Variants in ANKRD11 observed in about 807,000 individuals in gnomAD.
ANKRD11 encodes ankyrin repeat domain-containing protein 11.
In ANKRD11, 17 loss-of-function variants were observed where a neutral mutation model predicts 195.7. The observed-to-expected ratio is 0.09, with a 90% confidence interval of 0.06 to 0.13. ANKRD11 has a LOEUF of 0.13. Among genes scored for constraint, ANKRD11 ranks in the 10% least tolerant of loss-of-function variants. The probability of loss-of-function intolerance (pLI) is 1.00; values close to 1 mark genes in which losing one functional copy is unlikely to be tolerated. For missense variants in ANKRD11, 3,735 were observed against 3,566.1 expected (o/e 1.05, Z -1.21); for synonymous variants, 1,953 against 1,528.1 (o/e 1.28, Z -6.49).
chr16:89,408,619 G>A (rs780330386), intron 2 of ANKRD11, among the ~76,000 whole-genome samples: 26 of 152,072 alleles, frequency 1.7e-4, no homozygotes, highest in Admixed American at 3.9e-4. Flanking sequence ...CATGAAAGAC[G>A]TCCCAGCCGT....
At chr16:89,432,988 CT>C (rs1410146081) in intron 1 of ANKRD11, among the ~76,000 whole-genome samples, 11 of 135,194 alleles carry the variant, frequency 8.1e-5, no homozygotes, top group East Asian at 4.1e-4. Context: ...CTCTCTCTCT[CT>C]CCTCTCTCTC....
chr16:89,283,514 C>T lies in ANKRD11; in HGVS notation c.3028G>A (p.Glu1010Lys). The T allele has an allele frequency of 6.2e-7, 1 of 1,613,824 alleles. No individual in the cohort carries two copies. The highest frequency in any genetic ancestry group is 8.5e-7 in the Non-Finnish European group (1 of 1,180,050). ...WERHHPAREK[E>K]KKDGPDKERK... Reference sequence around the variant, plus strand: ...TCCTTATCGGGGCCATCCTTCTTCTCCTTCTCTCGTGCTGGGTGGTGCCGT... The same window carrying T: ...TCCTTATCGGGGCCATCCTTCTTCTTCTTCTCTCGTGCTGGGTGGTGCCGT... The change falls in exon 9 of 13, where the codon GAG (glutamate) becomes AAG (lysine). Residue 1010 changes from glutamate to lysine, a missense_variant. Physicochemically the swap from Glu to Lys is moderately conservative, Grantham distance 56 (BLOSUM62 1). Coordinates refer to ENST00000301030, the MANE Select transcript of ANKRD11 (RefSeq NM_013275.6). The surrounding 1 kb of genome is among the most constrained non-coding windows in gnomAD (Gnocchi z 4.3).
At chr16:89,488,475 G>C (rs1210762075) in intron 1 of ANKRD11, among the ~76,000 whole-genome samples, 1 of 146,498 alleles carries the variant, frequency 6.8e-6, no homozygotes, top group Admixed American at 7.1e-5. Flanking sequence ...AACTACAGTT[G>C]CAGAGTAAAA....
chr16:89,483,774 G>T (rs1318512333), intron 1 of ANKRD11, among the ~76,000 whole-genome samples: 1 of 149,730 alleles, frequency 6.7e-6, no homozygotes, highest in African/African-American at 2.5e-5. Flanking sequence ...GTTGCGGTGA[G>T]CCAAGATCAT....
rs1418141789 is a variant in ANKRD11, at chr16:89,281,844, G to C, written c.4698C>G (p.Ala1566=). ...CCCCCAGGAGCTTCTCCCTGGGCCT[G>C]GCGTCTTTCTTGCCTGGGTCTTTGG... The part of the protein sequence containing the change: ...APSKDPGKKD[A]RPREKLLGDG... The change falls in exon 9 of 13, where the codon GCC becomes GCG. Residue 1566 remains alanine, a synonymous_variant. Coordinates refer to ENST00000301030, the MANE Select transcript of ANKRD11 (RefSeq NM_013275.6). The surrounding 1 kb of genome is among the most constrained non-coding windows in gnomAD (Gnocchi z 5.5). The C allele has an allele frequency of 1.2e-6, 2 of 1,613,996 alleles. No individual in the cohort carries two copies. The highest frequency in any genetic ancestry group is 1.3e-5 in the African/African-American group (1 of 75,030).
chr16:89,303,474 A>T (rs965403611), intron 4 of ANKRD11, among the ~76,000 whole-genome samples: 6 of 152,126 alleles, frequency 3.9e-5, no homozygotes, highest in African/African-American at 1.4e-4. Flanking sequence ...CTGTCCACTC[A>T]CTTCCCCGTG....
chr16:89,419,831 A>C (rs965502226), intron 1 of ANKRD11, among the ~76,000 whole-genome samples: 1 of 151,588 alleles, frequency 6.6e-6, no homozygotes, highest in South Asian at 2.1e-4. Flanking sequence ...TCCTCCTTAC[A>C]CTCCTGGACA....
chr16:89,279,855 C>A lies in ANKRD11; in HGVS notation c.6687G>T (p.Glu2229Asp). 1 of 1,554,062 alleles carries A rather than the reference C, an allele frequency of 6.4e-7. No individual in the cohort carries two copies. The highest frequency in any genetic ancestry group is 8.7e-7 in the Non-Finnish European group (1 of 1,150,952). Residue 2229 changes from glutamate to aspartate, a missense_variant, in exon 9 of 13, where the codon GAG becomes GAT. Glu to Asp is a conservative substitution (Grantham distance 45). Transcript: ENST00000301030. The surrounding 1 kb of genome is among the most constrained non-coding windows in gnomAD (Gnocchi z 5.6). Reference sequence around the variant, plus strand: ...TGGAGTCCGGATCCCCACGGGCCCTCTCTTCCGGCACCGTCTCCGCCTCCA... The same window carrying A: ...TGGAGTCCGGATCCCCACGGGCCCTATCTTCCGGCACCGTCTCCGCCTCCA... ...AAVEAETVPE[E>D]RARGDPDSSV...
chr16:89,289,606 G>C (rs565553212), intron 6 of ANKRD11, among the ~76,000 whole-genome samples: 26 of 152,302 alleles, frequency 1.7e-4, no homozygotes, highest in African/African-American at 4.1e-4. Context: ...CCAGGGTGTC[G>C]ACCCAGCCGG....
chr16:89,468,571 G>A (rs867095510), intron 1 of ANKRD11, among the ~76,000 whole-genome samples: 16 of 152,286 alleles, frequency 1.1e-4, no homozygotes, highest in Admixed American at 2.0e-4. Flanking sequence ...CGAGCGCGGT[G>A]GCACAGGCCT....
intron 1 of ANKRD11, among the ~76,000 whole-genome samples, chr16:89,472,250 T>TG (rs2152352251): frequency 6.6e-6 from 1 of 152,330 alleles, no homozygotes; most frequent in South Asian, 2.1e-4. Flanking sequence ...ATGGGGATGC[T>TG]GACTTTGCAT....
At position 89,409,847 on chromosome 16, in the gene ANKRD11, T is replaced by C. The variant is rs2042046291; in HGVS notation, c.-60+8437A>G. Among the ~76,000 whole-genome samples the C allele has an allele frequency of 3.3e-5, 5 of 152,280 alleles. No homozygotes were observed. In the South Asian group the frequency reaches 1.0e-3, roughly 32 times the overall value. On this transcript the variant is annotated intron_variant, in intron 2 of 12. Coordinates refer to ENST00000301030, the MANE Select transcript of ANKRD11 (RefSeq NM_013275.6). ...CAATCTAAATTTATTTATTTATTTA[T>C]TTATTTTTTGAGATGGGAGTCTCGC...
chr16:89,269,503 A>C (rs1040823138), intron 12 of ANKRD11, among the ~76,000 whole-genome samples: 1 of 152,194 alleles, frequency 6.6e-6, no homozygotes, highest in African/African-American at 2.4e-5. Context: ...GTAAATTGTT[A>C]CATGGAATCA....
At chr16:89,323,364 C>A (rs1246833090) in intron 2 of ANKRD11, 1 of 1,286,854 alleles carries the variant, frequency 7.8e-7, no homozygotes, top group Non-Finnish European at 1.0e-6. Context: ...TGGCCTCTCA[C>A]CTCTCACCAT....
At chr16:89,385,475 G>T (rs1031810636) in intron 2 of ANKRD11, among the ~76,000 whole-genome samples, 3 of 152,084 alleles carry the variant, frequency 2.0e-5, no homozygotes, top group Non-Finnish European at 4.4e-5. Context: ...CCGTCCACAA[G>T]CCAGCACCGG....
intron 2 of ANKRD11, among the ~76,000 whole-genome samples, chr16:89,388,501 G>C (rs2041028036): frequency 6.6e-6 from 1 of 151,956 alleles, no homozygotes; most frequent in Non-Finnish European, 1.5e-5. Flanking sequence ...GCGTTTCCCT[G>C]TGGTGCTGTC....
chr16:89,275,494 G>A (rs953205869), intron 9 of ANKRD11, among the ~76,000 whole-genome samples: 31 of 152,342 alleles, frequency 2.0e-4, no homozygotes, highest in Admixed American at 4.6e-4. Context: ...CTGAAACACC[G>A]GCATGAGCAC....
At chr16:89,287,114 C>A (rs2034702027) in intron 7 of ANKRD11, 1 of 1,289,694 alleles carries the variant, frequency 7.8e-7, no homozygotes, top group South Asian at 1.2e-5. Context: ...ATCATGGGGG[C>A]TGCTGGCAGA....
chr16:89,281,983 T>C lies in ANKRD11; in HGVS notation c.4559A>G (p.Asp1520Gly). The change falls in exon 9 of 13, where the codon GAC becomes GGC. Residue 1520 changes from aspartate to glycine, a missense_variant. By Grantham distance (94) the Asp-to-Gly change is moderately conservative. Transcript: ENST00000301030. This position sits in a 1 kb window ranked among gnomAD's most constrained non-coding sequence, Gnocchi z 5.5. ...GGCATCGCCGAGCCTCGGGCCCTCG[T>C]CCCTGGACTTGTCTTTGAGCACGCG... Reference protein sequence around the residue: ...PPRVLKDKSRDEGPRLGDAKL... With the variant: ...PPRVLKDKSRGEGPRLGDAKL... The C allele has an allele frequency of 6.2e-7, 1 of 1,613,096 alleles. No individual in the cohort carries two copies. The highest frequency in any genetic ancestry group is 8.5e-7 in the Non-Finnish European group (1 of 1,180,038).
Sources: allele counts gnomAD v4.1 joint callset (sites outside exome capture counted in the v4.1 genomes callset), GRCh38; gene constraint gnomAD v4.1.1; non-coding constraint Gnocchi (gnomAD v3.1); transcripts MANE v1.5; gene names NCBI Gene and HGNC (gene_info 2026-07-23, HGNC 2026-07-21).